Variants in LRRC7 observed in about 807,000 individuals in gnomAD.
LRRC7 encodes leucine rich repeat containing 7, also known as leucine-rich repeat-containing protein 7.
A neutral mutation model predicts 175.7 loss-of-function variants in LRRC7; 23 were observed. The observed-to-expected ratio is 0.13, with a 90% CI of 0.09 to 0.19. LRRC7 has a LOEUF of 0.19. Among genes scored for constraint, LRRC7 ranks in the 10% least tolerant of loss-of-function variants. LRRC7 has a pLI of 1.00. For missense variants in LRRC7, 1,354 were observed against 1,904.7 expected, an observed-to-expected ratio of 0.71 and a Z score of 5.38; for synonymous variants, 685 against 680.9, an observed-to-expected ratio of 1.01 and a Z score of -0.09.
chr1:70,096,776 C>T (rs1172616857), intron 25 of LRRC7, among the ~76,000 whole-genome samples: 1 of 152,090 alleles, frequency 6.6e-6, no homozygotes, highest in Non-Finnish European at 1.5e-5. Context: ...GTAGCTTCAG[C>T]TGGGGTGGTG....
At chr1:69,807,708 T>TTC (rs1291900764) in intron 4 of LRRC7, among the ~76,000 whole-genome samples, 1 of 152,092 alleles carries the variant, frequency 6.6e-6, no homozygotes, top group East Asian at 1.9e-4. Context: ...AACCCGAACT[T>TTC]TCTCTCTGGC....
At chr1:69,814,999 C>T (rs958503849) in intron 4 of LRRC7, among the ~76,000 whole-genome samples, 5 of 152,078 alleles carry the variant, frequency 3.3e-5, no homozygotes, top group South Asian at 2.1e-4. Flanking sequence ...CCCTAAGCTG[C>T]GTAAATTTCC....
At chr1:69,710,202 C>A (rs1480264176) in intron 2 of LRRC7, among the ~76,000 whole-genome samples, 2 of 147,096 alleles carry the variant, frequency 1.4e-5, no homozygotes, top group Non-Finnish European at 3.0e-5. Flanking sequence ...TCACTTGAAC[C>A]CTGGAGGCGG....
At chr1:69,986,450 A>G in intron 10 of LRRC7, 64 bp downstream of exon 10, 3 of 1,443,634 alleles carry the variant, frequency 2.1e-6, no homozygotes, top group East Asian at 2.3e-5. Context: ...TTTTGGAAGT[A>G]TAGTTTGTCT....
intron 7 of LRRC7, among the ~76,000 whole-genome samples, chr1:69,921,475 C>A (rs546937137): frequency 6.6e-6 from 1 of 152,142 alleles, no homozygotes; most frequent in South Asian, 2.1e-4. Context: ...AATATACTCT[C>A]ACTCCTATTC....
At chr1:70,061,463 T>C (rs1161317696) in intron 23 of LRRC7, among the ~76,000 whole-genome samples, 6 of 152,128 alleles carry the variant, frequency 3.9e-5, no homozygotes. Flanking sequence ...CTGAGGCTGC[T>C]GAGGAAAAGT....
chr1:70,020,397 C>T lies in LRRC7; in HGVS notation c.1421-608C>T, dbSNP rs548212264. On this transcript the variant is annotated intron_variant, in intron 15 of 26. Coordinates refer to ENST00000651989, the MANE Select transcript of LRRC7 (RefSeq NM_001370785.2). ...ACTAACTGCAACAGACTAAATTTTC[C>T]ACGTTTTCTACCAAAAAACAAGCTC... is the stretch of plus-strand genomic sequence containing the variant. Among the ~76,000 whole-genome samples the T allele has an allele frequency of 3.9e-5, 6 of 152,010 alleles. No individual in the cohort carries two copies. In the East Asian group the frequency reaches 1.2e-3, roughly 29 times the overall value.
intron 14 of LRRC7, among the ~76,000 whole-genome samples, chr1:70,018,235 T>G (rs1657134360): frequency 1.3e-5 from 2 of 152,068 alleles, no homozygotes; most frequent in Admixed American, 6.5e-5. Flanking sequence ...CAGTTGCTTA[T>G]CTATAAAGTG....
chr1:69,807,779 G>A (rs1055112167), intron 4 of LRRC7, among the ~76,000 whole-genome samples: 2 of 151,790 alleles, frequency 1.3e-5, no homozygotes, highest in African/African-American at 4.8e-5. Flanking sequence ...TGTGTCTTGG[G>A]GTTGCTCTTC....
chr1:70,112,912 T>C (rs922522757), intron 26 of LRRC7, among the ~76,000 whole-genome samples: 2 of 151,888 alleles, frequency 1.3e-5, no homozygotes, highest in Non-Finnish European at 2.9e-5. Context: ...GGAGAGAATA[T>C]TGGAGAGGAA....
Position 70,139,952 on chromosome 1 carries a change from T to C in LRRC7, c.*18065T>C, listed in dbSNP as rs1217214896. On this transcript the variant is annotated 3_prime_UTR_variant, in exon 27 of 27. Coordinates refer to ENST00000651989, the MANE Select transcript of LRRC7 (RefSeq NM_001370785.2). Reference sequence around the variant, plus strand: ...CTTGTATCACATGAAGTAAAATAATTATTTCCTTAATGAGAAACTTAATTC... The same window carrying C: ...CTTGTATCACATGAAGTAAAATAATCATTTCCTTAATGAGAAACTTAATTC... The C allele has an allele frequency of 6.6e-6, 1 of 152,120 alleles. No individual in the cohort carries two copies. Among genetic ancestry groups the C allele is most frequent in the East Asian group, 1.9e-4 (1 of 5,196 alleles). 9.4% of individuals were successfully genotyped at this position (152,120 alleles called of 1,614,324 possible).
At chr1:70,015,473 T>G (rs199540926) in intron 13 of LRRC7, among the ~76,000 whole-genome samples, 1 of 152,112 alleles carries the variant, frequency 6.6e-6, no homozygotes, top group Non-Finnish European at 1.5e-5. Context: ...ACAAGGAAAT[T>G]TTCATTCTAT....
At chr1:69,992,297 A>G (rs2101907763) in intron 10 of LRRC7, among the ~76,000 whole-genome samples, 1 of 152,270 alleles carries the variant, frequency 6.6e-6, no homozygotes, top group African/African-American at 2.4e-5. Context: ...ATTAATGCTG[A>G]CTGCATATAT....
intron 4 of LRRC7, among the ~76,000 whole-genome samples, chr1:69,808,835 A>G (rs1357081286): frequency 6.6e-6 from 1 of 152,144 alleles, no homozygotes; most frequent in Non-Finnish European, 1.5e-5. Context: ...CGACACCCTA[A>G]CATCACAATT....
chr1:69,856,559 C>T (rs1347570551), intron 7 of LRRC7, among the ~76,000 whole-genome samples: 2 of 152,074 alleles, frequency 1.3e-5, no homozygotes, highest in Admixed American at 6.6e-5. Context: ...CAAGACTAAA[C>T]CAGGAAGAAA....
At chr1:69,633,805 T>C (rs1249199709) in intron 1 of LRRC7, among the ~76,000 whole-genome samples, 1 of 152,196 alleles carries the variant, frequency 6.6e-6, no homozygotes, top group African/African-American at 2.4e-5. Flanking sequence ...ATCTAGGGCC[T>C]GCCATGGGGC....
chr1:69,752,657 C>T (rs1011513515), intron 2 of LRRC7, among the ~76,000 whole-genome samples: 1 of 152,086 alleles, frequency 6.6e-6, no homozygotes, highest in Non-Finnish European at 1.5e-5. Context: ...CACTGCTGTT[C>T]AAATGCGTTT....
chr1:69,801,731 T>A (rs1676521325), intron 4 of LRRC7, among the ~76,000 whole-genome samples: 2 of 151,414 alleles, frequency 1.3e-5, no homozygotes, highest in Non-Finnish European at 3.0e-5. Context: ...CTGCTCTGAT[T>A]TTTTTTATTT....
chr1:70,033,624 A>G (rs1428766182), intron 18 of LRRC7, among the ~76,000 whole-genome samples: 1 of 152,168 alleles, frequency 6.6e-6, no homozygotes, highest in Non-Finnish European at 1.5e-5. Context: ...TTGATTCACA[A>G]TAGAAATTCT....
Sources: allele counts gnomAD v4.1 joint callset (sites outside exome capture counted in the v4.1 genomes callset), GRCh38; gene constraint gnomAD v4.1.1; transcripts MANE v1.5; gene names NCBI Gene and HGNC (gene_info 2026-07-23, HGNC 2026-07-21).